CPQ: variants seen among roughly 807,000 people sequenced by gnomAD.
The protein encoded by CPQ is carboxypeptidase Q, also known as Ser-Met dipeptidase.
A neutral mutation model predicts 45.7 loss-of-function variants in CPQ; 37 were observed. That is an observed-to-expected ratio of 0.81 (90% CI 0.62 to 1.07). The LOEUF (loss-of-function observed/expected upper bound fraction) is 1.07. CPQ is among the 50% of genes least tolerant of loss of function. The pLI is 0.00. For synonymous variants in CPQ, 186 were observed against 205.8 expected (o/e 0.90, Z 0.82); for missense variants, 537 against 572.9 (o/e 0.94, Z 0.64).
intron 4 of CPQ, among the ~76,000 whole-genome samples, chr8:96,894,720 TA>T (rs964311179): frequency 1.3e-5 from 2 of 152,208 alleles, no homozygotes; most frequent in African/African-American, 4.8e-5. Context: ...AAGTACTGTA[TA>T]AATTTTTAGT....
chr8:97,102,444 G>A (rs536745234), intron 7 of CPQ, among the ~76,000 whole-genome samples: 1 of 152,232 alleles, frequency 6.6e-6, no homozygotes, highest in African/African-American at 2.4e-5. Context: ...GCTGTTTCTC[G>A]CTATTCAACA....
intron 6 of CPQ, among the ~76,000 whole-genome samples, chr8:97,047,092 T>C (rs987762043): frequency 2.0e-5 from 3 of 152,248 alleles, no homozygotes; most frequent in Non-Finnish European, 4.4e-5. Context: ...GATGGCATTA[T>C]AATCTCTTGC....
At chr8:96,684,954 A>T (rs1417567507) in intron 1 of CPQ, among the ~76,000 whole-genome samples, 2 of 151,926 alleles carry the variant, frequency 1.3e-5, no homozygotes, top group Non-Finnish European at 2.9e-5. Context: ...AAATACAAAA[A>T]TTAGCCAGGC....
At chr8:96,969,943 A>C (rs1208389032) in intron 5 of CPQ, among the ~76,000 whole-genome samples, 1 of 152,208 alleles carries the variant, frequency 6.6e-6, no homozygotes, top group Non-Finnish European at 1.5e-5. Flanking sequence ...GTTGTCCAGG[A>C]GTCACCAAGC....
intron 1 of CPQ, among the ~76,000 whole-genome samples, chr8:96,753,096 C>A (rs1810282837): frequency 6.6e-6 from 1 of 152,034 alleles, no homozygotes; most frequent in Non-Finnish European, 1.5e-5. Context: ...TGAAGTGAGA[C>A]CACAAGTTGA....
At chr8:97,016,463 TATTC>T (rs1006500930) in intron 5 of CPQ, among the ~76,000 whole-genome samples, 12 of 152,238 alleles carry the variant, frequency 7.9e-5, no homozygotes, top group African/African-American at 2.9e-4. Flanking sequence ...TATACAAATA[TATTC>T]ATTCAGTCAA....
intron 5 of CPQ, among the ~76,000 whole-genome samples, chr8:97,027,165 C>T (rs548338712): frequency 8.8e-4 from 134 of 152,228 alleles, no homozygotes; most frequent in Middle Eastern, 3.4e-3. Context: ...TAAGCACATT[C>T]CTTTGAAAGA....
At chr8:96,754,487 C>T (rs1425260036) in intron 1 of CPQ, among the ~76,000 whole-genome samples, 1 of 151,976 alleles carries the variant, frequency 6.6e-6, no homozygotes, top group Non-Finnish European at 1.5e-5. Flanking sequence ...GCTTTTCCTA[C>T]TTTAACCTAC....
intron 4 of CPQ, among the ~76,000 whole-genome samples, chr8:96,940,215 G>A (rs964187114): frequency 1.3e-5 from 2 of 151,950 alleles, no homozygotes; most frequent in African/African-American, 4.8e-5. Context: ...TGCCAAATGG[G>A]CCTTTCAATT....
At chr8:96,746,775 T>C (rs1283297730) in intron 1 of CPQ, among the ~76,000 whole-genome samples, 1 of 152,330 alleles carries the variant, frequency 6.6e-6, no homozygotes, top group South Asian at 2.1e-4. Context: ...TTTCCTATAG[T>C]ATTGCTCTGA....
intron 1 of CPQ, among the ~76,000 whole-genome samples, chr8:96,702,340 G>A (rs1199129933): frequency 6.6e-6 from 1 of 152,126 alleles, no homozygotes; most frequent in Non-Finnish European, 1.5e-5. Flanking sequence ...CCGAAGGCCC[G>A]AGGCATAGAC....
At chr8:97,080,382 A>G (rs2130550185) in intron 7 of CPQ, among the ~76,000 whole-genome samples, 1 of 152,240 alleles carries the variant, frequency 6.6e-6, no homozygotes, top group East Asian at 1.9e-4. Flanking sequence ...ATTTCTTATA[A>G]GAGCTTTGCT....
intron 6 of CPQ, among the ~76,000 whole-genome samples, chr8:97,044,243 A>T (rs1265124623): frequency 6.6e-6 from 1 of 152,014 alleles, no homozygotes; most frequent in African/African-American, 2.4e-5. Flanking sequence ...TTCATCTTCC[A>T]TCACTGATAC....
At chr8:97,018,324 C>T (rs145278183) in intron 5 of CPQ, among the ~76,000 whole-genome samples, 52 of 152,218 alleles carry the variant, frequency 3.4e-4, no homozygotes, top group East Asian at 2.9e-3. Context: ...AACAAAACAG[C>T]GTTCTTTAAC....
intron 3 of CPQ, 82 bp from the exon 4 acceptor site, chr8:96,879,716 A>G (rs1413414302): frequency 2.2e-6 from 2 of 913,074 alleles, no homozygotes; most frequent in Non-Finnish European, 3.5e-6. Context: ...GTGGAAGTTA[A>G]ATATCAATAT....
intron 1 of CPQ, among the ~76,000 whole-genome samples, chr8:96,701,893 C>G (rs1563473225): frequency 6.6e-6 from 1 of 152,188 alleles, no homozygotes. Flanking sequence ...CTCATCCCTT[C>G]TACTAATTGG....
chr8:96,948,762 G>T (rs1376346777), intron 4 of CPQ, among the ~76,000 whole-genome samples: 1 of 151,980 alleles, frequency 6.6e-6, no homozygotes, highest in Non-Finnish European at 1.5e-5. Flanking sequence ...TACTATTACT[G>T]TATTGCTATC....
intron 4 of CPQ, among the ~76,000 whole-genome samples, chr8:96,901,208 T>G (rs1460299982): frequency 6.6e-6 from 1 of 152,198 alleles, no homozygotes; most frequent in East Asian, 1.9e-4. Flanking sequence ...CTCAGTTATT[T>G]CAGTCCAATA....
At chr8:96,983,964 C>T (rs992405772) in intron 5 of CPQ, among the ~76,000 whole-genome samples, 5 of 151,734 alleles carry the variant, frequency 3.3e-5, no homozygotes, top group Admixed American at 2.6e-4. Flanking sequence ...TGATTACTTA[C>T]ATTTTGTGAT....
Sources: allele counts gnomAD v4.1 joint callset (sites outside exome capture counted in the v4.1 genomes callset), GRCh38; gene constraint gnomAD v4.1.1; transcripts MANE v1.5; gene names NCBI Gene and HGNC (gene_info 2026-07-23, HGNC 2026-07-21).